Variants in RASGEF1C observed in about 807,000 individuals in gnomAD.
The protein encoded by RASGEF1C is ras-GEF domain-containing family member 1C.
Under a neutral mutation model 58.1 loss-of-function variants are expected in RASGEF1C, and 27 were observed. That is an observed-to-expected ratio of 0.46 (90% CI 0.34 to 0.64). The LOEUF is 0.64. Among genes scored for constraint, RASGEF1C ranks in the 30% least tolerant of loss-of-function variants. RASGEF1C has a pLI of 0.01. For missense variants in RASGEF1C, 502 were observed against 605.1 expected (o/e 0.83, Z 1.79); for synonymous variants, 243 against 246.3 (o/e 0.99, Z 0.13).
At chr5:180,173,522 T>C (rs1767147306) in intron 1 of RASGEF1C, among the ~76,000 whole-genome samples, 2 of 152,222 alleles carry the variant, frequency 1.3e-5, no homozygotes, top group Admixed American at 1.3e-4. Flanking sequence ...GATGTATCTG[T>C]CAAGGTCTGG....
In RASGEF1C at chr5:180,136,418, T is replaced by A; in HGVS notation, c.398A>T (p.His133Leu). Residue 133 changes from histidine to leucine, a missense_variant, in exon 4 of 14, where the codon CAC becomes CTC. By Grantham distance (99) the His-to-Leu change is moderately conservative (BLOSUM62 -3). Coordinates refer to ENST00000361132, the MANE Select transcript of RASGEF1C (RefSeq NM_175062.4). The stretch of plus-strand genomic sequence containing the variant: ...GATGCGGCCCACGACGTCCTTAAGG[T>A]GCCCGATAGTCGACTCTTCCTGGAA... ...RDFQEESTIG[H>L]LKDVVGRIAP... 6.4e-7 allele frequency: 1 copy of A among 1,560,402 alleles called. No individual in the cohort carries two copies.
intron 4 of RASGEF1C, among the ~76,000 whole-genome samples, chr5:180,129,301 C>G (rs1204296251): frequency 6.6e-6 from 1 of 152,222 alleles, no homozygotes; most frequent in Non-Finnish European, 1.5e-5. Context: ...GGACAACTGC[C>G]CGGCTAACCA....
intron 1 of RASGEF1C, among the ~76,000 whole-genome samples, chr5:180,191,443 G>A (rs946926617): frequency 7.2e-5 from 11 of 152,128 alleles, no homozygotes; most frequent in South Asian, 2.1e-4. Context: ...TGCAAGCTCC[G>A]CCTCCCGGGT....
intron 4 of RASGEF1C, among the ~76,000 whole-genome samples, chr5:180,135,850 C>T (rs1283680671): frequency 1.3e-5 from 2 of 152,244 alleles, no homozygotes; most frequent in African/African-American, 2.4e-5. Flanking sequence ...TTGCAGCTTA[C>T]CCGTGGAGGC....
At chr5:180,135,600 G>A (rs1332072126) in intron 4 of RASGEF1C, among the ~76,000 whole-genome samples, 2 of 152,236 alleles carry the variant, frequency 1.3e-5, no homozygotes, top group African/African-American at 2.4e-5. Context: ...CCTGGGAGGT[G>A]AAGATTTTTG....
intron 12 of RASGEF1C, among the ~76,000 whole-genome samples, chr5:180,105,153 A>T (rs1419355262): frequency 6.6e-6 from 1 of 152,228 alleles, no homozygotes; most frequent in Non-Finnish European, 1.5e-5. Flanking sequence ...GTTTGTTCTT[A>T]CTGTAGATCT....
intron 1 of RASGEF1C, among the ~76,000 whole-genome samples, chr5:180,145,146 G>A (rs1449682447): frequency 6.6e-6 from 1 of 151,840 alleles, no homozygotes; most frequent in African/African-American, 2.4e-5. Context: ...ATTTTGAGAC[G>A]GTCTCACTCT....
At chr5:180,130,009 G>A (rs568488129) in intron 4 of RASGEF1C, among the ~76,000 whole-genome samples, 30 of 152,324 alleles carry the variant, frequency 2.0e-4, no homozygotes, top group Admixed American at 5.2e-4. Context: ...GCAAGAGCCC[G>A]TGCGTCTGAG....
At chr5:180,142,147 C>T (rs988043488) in intron 1 of RASGEF1C, among the ~76,000 whole-genome samples, 2 of 151,980 alleles carry the variant, frequency 1.3e-5, no homozygotes, top group East Asian at 1.9e-4. Flanking sequence ...GGATGGGGAA[C>T]GTTCTGCTCG....
At chr5:180,128,780 G>T (rs1766310505) in intron 4 of RASGEF1C, among the ~76,000 whole-genome samples, 170 bp from the exon 5 acceptor site, 1 of 152,244 alleles carries the variant, frequency 6.6e-6, no homozygotes, top group African/African-American at 2.4e-5. Flanking sequence ...CCTGAAACAG[G>T]ACCCAATCCC....
At chr5:180,187,191 T>G (rs994359776) in intron 1 of RASGEF1C, among the ~76,000 whole-genome samples, 3 of 152,186 alleles carry the variant, frequency 2.0e-5, no homozygotes, top group South Asian at 2.1e-4. Context: ...AGTCTCTATG[T>G]TGCTGGGACA....
chr5:180,144,071 C>T (rs1011419897), intron 1 of RASGEF1C, among the ~76,000 whole-genome samples: 9 of 152,316 alleles, frequency 5.9e-5, no homozygotes, highest in South Asian at 4.1e-4. Context: ...GTACCTCGCA[C>T]AGTGCCTGCT....
chr5:180,182,483 C>T (rs571329857), intron 1 of RASGEF1C, among the ~76,000 whole-genome samples: 51 of 152,316 alleles, frequency 3.3e-4, no homozygotes, highest in Non-Finnish European at 5.6e-4. Context: ...CCGCTGTTGG[C>T]TGGGATGGCC....
chr5:180,146,261 G>T (rs1002903834), intron 1 of RASGEF1C, among the ~76,000 whole-genome samples: 3 of 152,180 alleles, frequency 2.0e-5, no homozygotes, highest in African/African-American at 7.2e-5. Context: ...TCCTGTCTCA[G>T]CCTCATGAAT....
At position 180,156,123 on chromosome 5, in the gene RASGEF1C, G is replaced by C. The variant is rs1766844350; in HGVS notation, c.-6-18065C>G. On this transcript the variant is annotated intron_variant, in intron 1 of 13. Transcript: ENST00000361132. The surrounding 1 kb of genome is among the most constrained non-coding windows in gnomAD (Gnocchi z 4.9). Reference sequence around the variant, plus strand: ...CCTCATCCCCCTAACCTCTAGACAAGACCATGCTGACTTTTGTGCTAATTG... The same window carrying C: ...CCTCATCCCCCTAACCTCTAGACAACACCATGCTGACTTTTGTGCTAATTG... Among the ~76,000 whole-genome samples the C allele has an allele frequency of 6.6e-6, 1 of 152,158 alleles. No individual in the cohort carries two copies. The highest frequency in any genetic ancestry group is 2.4e-5 in the African/African-American group (1 of 41,430).
chr5:180,196,569 T>C (rs1756282754), intron 1 of RASGEF1C, among the ~76,000 whole-genome samples: 1 of 152,072 alleles, frequency 6.6e-6, no homozygotes, highest in Non-Finnish European at 1.5e-5. Context: ...CTTATGTCAG[T>C]CTTGGTAAGT....
intron 1 of RASGEF1C, among the ~76,000 whole-genome samples, chr5:180,190,471 C>T (rs1485445779): frequency 8.9e-5 from 10 of 112,176 alleles, no homozygotes; most frequent in Non-Finnish European, 1.8e-4. Context: ...GACTGGGTGA[C>T]AGAGTGAGAC....
chr5:180,113,087 C>T lies in RASGEF1C; in HGVS notation c.1179+1359G>A, dbSNP rs1483036434. On this transcript the variant is annotated intron_variant, in intron 11 of 13. Coordinates refer to ENST00000361132, the MANE Select transcript of RASGEF1C (RefSeq NM_175062.4). ...GCTGGACGGAGGGACCGGGGATGGA[C>T]AGAGGGACTGGGGATGGACGGAGGG... 3.1e-4 allele frequency among the ~76,000 whole-genome samples: 40 copies of T among 129,330 alleles called. 2 individuals carry two copies. The highest frequency in any genetic ancestry group is 1.2e-3 in the African/African-American group (39 of 32,674). The allele number at this position is 129,330 out of a possible 152,430, so 84.8% of individuals were successfully genotyped here. A position where few individuals can be genotyped will look rare whatever the true frequency, so the allele number is the denominator to read the frequency against.
intron 1 of RASGEF1C, among the ~76,000 whole-genome samples, chr5:180,170,396 G>A (rs1394340536): frequency 6.6e-6 from 1 of 152,210 alleles, no homozygotes; most frequent in Non-Finnish European, 1.5e-5. Flanking sequence ...AATGAATATC[G>A]GGCTCTGTGT....
Sources: allele counts gnomAD v4.1 joint callset (sites outside exome capture counted in the v4.1 genomes callset), GRCh38; gene constraint gnomAD v4.1.1; non-coding constraint Gnocchi (gnomAD v3.1); transcripts MANE v1.5; gene names NCBI Gene and HGNC (gene_info 2026-07-23, HGNC 2026-07-21).